The following DIP2C variants were observed in gnomAD, a reference collection of about 807,000 sequenced individuals.
DIP2C encodes the protein DIP2 acetate--CoA ligase C (putative), also known as disco-interacting protein 2 homolog C.
Under a neutral mutation model 192.4 loss-of-function variants are expected in DIP2C, and 33 were observed. The observed-to-expected ratio is 0.17, with a 90% CI of 0.13 to 0.23. DIP2C has a LOEUF of 0.23. Among genes scored for constraint, DIP2C ranks in the 10% least tolerant of loss-of-function variants. The pLI, the probability that DIP2C is intolerant of heterozygous loss-of-function variation, is 1.00. For missense variants in DIP2C, 1,537 were observed against 2,110.1 expected, an observed-to-expected ratio of 0.73 and a Z score of 5.32; for synonymous variants, 979 against 864.1, an observed-to-expected ratio of 1.13 and a Z score of -2.33.
intron 1 of DIP2C, among the ~76,000 whole-genome samples, chr10:608,104 A>AACACACACACCACACACACAGCCCCAAC (rs1852634865): frequency 2.1e-5 from 3 of 145,542 alleles, no homozygotes; most frequent in Non-Finnish European, 4.5e-5. Flanking sequence ...CCTAAAAAGG[A>AACACACACACCACACACACAGCCCCAAC]ACACACACAC....
In DIP2C at chr10:619,948, G is replaced by A. The variant is rs925704691; in HGVS notation, c.85+69546C>T. On this transcript the variant is annotated intron_variant, in intron 1 of 36. Coordinates refer to ENST00000280886, the MANE Select transcript of DIP2C (RefSeq NM_014974.3). The stretch of plus-strand genomic sequence containing the variant: ...TAACAGCTGCACGTGGCAAGTGCAC[G>A]GGGTGGCCACCCCTTCAGCCCAGCT... Among the ~76,000 whole-genome samples, 10 of 152,152 alleles carry A rather than the reference G, an allele frequency of 6.6e-5. 1 individual carries two copies. The highest frequency in any genetic ancestry group is 3.3e-4 in the Admixed American group (5 of 15,284).
chr10:446,699 T>C (rs1968252272), intron 3 of DIP2C, among the ~76,000 whole-genome samples: 2 of 152,210 alleles, frequency 1.3e-5, no homozygotes, highest in African/African-American at 4.8e-5. Context: ...AGGAGGGGCA[T>C]CAGCTCTCAT....
chr10:346,705 G>A (rs1489558726), intron 26 of DIP2C, among the ~76,000 whole-genome samples: 8 of 140,302 alleles, frequency 5.7e-5, no homozygotes, highest in South Asian at 2.3e-4. Context: ...CAGACACACC[G>A]CGCATAGTTC....
intron 1 of DIP2C, among the ~76,000 whole-genome samples, chr10:640,205 A>T (rs1855094118): frequency 6.6e-6 from 1 of 152,176 alleles, no homozygotes; most frequent in African/African-American, 2.4e-5. Context: ...GAACGTCCCC[A>T]CGGCTGGCGG....
chr10:590,735 TA>T (rs902079199), intron 1 of DIP2C, among the ~76,000 whole-genome samples: 1 of 152,160 alleles, frequency 6.6e-6, no homozygotes, highest in Admixed American at 6.5e-5. Context: ...GAAAGCAGAT[TA>T]AAAATAGAAG....
intron 29 of DIP2C, among the ~76,000 whole-genome samples, chr10:336,894 A>AGG (rs1225601899): frequency 2.7e-5 from 1 of 36,784 alleles, no homozygotes; most frequent in Non-Finnish European, 4.6e-5. Flanking sequence ...AGGCCTAGGC[A>AGG]GGTGTGTGTG....
At chr10:348,389 G>A (rs1043328364) in intron 26 of DIP2C, among the ~76,000 whole-genome samples, 1 of 152,184 alleles carries the variant, frequency 6.6e-6, no homozygotes, top group Non-Finnish European at 1.5e-5. Context: ...CCTCTCTTGG[G>A]AGCCGTTTTC....
At chr10:557,954 TGGAGGCA>T (rs919398634) in intron 1 of DIP2C, among the ~76,000 whole-genome samples, 9 of 150,770 alleles carry the variant, frequency 6.0e-5, no homozygotes, top group Admixed American at 5.9e-4. Flanking sequence ...CCTGGAGGGC[TGGAGGCA>T]GGAGGGATGC....
chr10:634,969 C>T (rs1258040343), intron 1 of DIP2C, among the ~76,000 whole-genome samples: 2 of 152,138 alleles, frequency 1.3e-5, no homozygotes, highest in African/African-American at 4.8e-5. Context: ...GGAATAACCA[C>T]GAACAAGCAA....
At chr10:542,883 TG>T (rs1848081290) in intron 1 of DIP2C, among the ~76,000 whole-genome samples, 1 of 152,042 alleles carries the variant, frequency 6.6e-6, no homozygotes, top group Non-Finnish European at 1.5e-5. Flanking sequence ...CTTACGGGAT[TG>T]GGGAGTGGGG....
intron 1 of DIP2C, among the ~76,000 whole-genome samples, chr10:492,991 ATTT>A (rs1268945952): frequency 6.6e-6 from 1 of 152,184 alleles, no homozygotes; most frequent in Admixed American, 6.5e-5. Context: ...TGCCGATGGA[ATTT>A]TTTAAAATTC....
chr10:484,913 G>T (rs1354962600), intron 2 of DIP2C: 2 of 1,611,646 alleles, frequency 1.2e-6, no homozygotes, highest in Non-Finnish European at 8.5e-7. Context: ...TCACTGTGCT[G>T]CAGTCTACAC....
chr10:513,464 C>T (rs572237877), intron 1 of DIP2C, among the ~76,000 whole-genome samples: 2 of 152,304 alleles, frequency 1.3e-5, no homozygotes, highest in African/African-American at 2.4e-5. Flanking sequence ...CAGCACACTG[C>T]GGCCCGCGCC....
At chr10:607,406 G>A (rs1172004628) in intron 1 of DIP2C, among the ~76,000 whole-genome samples, 1 of 152,158 alleles carries the variant, frequency 6.6e-6, no homozygotes, top group Admixed American at 6.5e-5. Flanking sequence ...GCCTACATGA[G>A]TCCCTCCAAG....
At position 364,538 on chromosome 10, in the gene DIP2C, T is replaced by C; in HGVS notation, c.2313A>G (p.Pro771=). Residue 771 remains proline (P), a synonymous_variant, in exon 20 of 37, where the codon CCA becomes CCG. Coordinates refer to ENST00000280886, the MANE Select transcript of DIP2C (RefSeq NM_014974.3). The part of the protein sequence containing the change: ...TSSGAPISEY[P]FIRTGLLGFV... ...ACCCCAGCAAGCCTGTCCTTATGAATGGGTATTCACTGATCGGAGCCCCGG... is the reference window on the plus strand; with the variant it reads ...ACCCCAGCAAGCCTGTCCTTATGAACGGGTATTCACTGATCGGAGCCCCGG... The C allele has an allele frequency of 1.9e-6, 3 of 1,614,074 alleles. No individual in the cohort carries two copies. Among genetic ancestry groups the C allele is most frequent in the Non-Finnish European group, 2.5e-6 (3 of 1,180,010 alleles).
rs577768262 is a variant in DIP2C at position 522,459 on chromosome 10, C to A, written c.86-35929G>T. ...CCAGGACTGTGGTTGCTCCTGTGGTCGGAGTGCTTAGTTCCATGGGAAACC... is the reference window on the plus strand; with the variant it reads ...CCAGGACTGTGGTTGCTCCTGTGGTAGGAGTGCTTAGTTCCATGGGAAACC... On this transcript the variant is annotated intron_variant, in intron 1 of 36. Transcript: ENST00000280886. Among the ~76,000 whole-genome samples, 4 of 152,352 alleles carry A rather than the reference C, an allele frequency of 2.6e-5. No homozygotes were observed. In the South Asian group the frequency reaches 8.3e-4, roughly 32 times the overall value.
intron 1 of DIP2C, among the ~76,000 whole-genome samples, chr10:503,773 T>A (rs1378812638): frequency 1.3e-5 from 2 of 152,216 alleles, no homozygotes; most frequent in South Asian, 4.1e-4. Flanking sequence ...CATTTTTACA[T>A]CTTTCAGGAC....
intron 3 of DIP2C, among the ~76,000 whole-genome samples, chr10:470,436 C>G (rs1336698701): frequency 1.3e-5 from 2 of 152,212 alleles, no homozygotes; most frequent in Non-Finnish European, 2.9e-5. Context: ...ATGTGCCTCT[C>G]TCTTCCACAC....
At position 410,254 on chromosome 10, in the gene DIP2C, C is replaced by G. The variant is rs75032137; in HGVS notation, c.1058-1237G>C. 6.0e-3 allele frequency among the ~76,000 whole-genome samples: 913 copies of G among 152,334 alleles called. 3 individuals are homozygous for G. Among genetic ancestry groups the G allele is most frequent in the Middle Eastern group, 0.014 (4 of 294 alleles). On this transcript the variant is annotated intron_variant, in intron 8 of 36. Transcript: ENST00000280886. ...GTTCCTAGGACACTTCCCGGTCATA[C>G]TACGTGCTCAGCAAATGTTTCTTCA... is the stretch of plus-strand genomic sequence containing the variant.
Sources: allele counts gnomAD v4.1 joint callset (sites outside exome capture counted in the v4.1 genomes callset), GRCh38; gene constraint gnomAD v4.1.1; transcripts MANE v1.5; gene names NCBI Gene and HGNC (gene_info 2026-07-23, HGNC 2026-07-21).